SEMA3A: variants seen among roughly 807,000 people sequenced by gnomAD.
SEMA3A encodes semaphorin-3A.
SEMA3A carries 29 observed loss-of-function variants against 97.9 expected under a neutral mutation model. The observed-to-expected ratio is 0.30, with a 90% confidence interval of 0.22 to 0.40. The LOEUF (loss-of-function observed/expected upper bound fraction) is 0.40, where lower values mean the gene tolerates loss of function less well. Ranked by LOEUF, SEMA3A falls within the 10% of genes least tolerant of loss-of-function variation. The pLI, the probability that SEMA3A is intolerant of heterozygous loss-of-function variation, is 1.00. For missense variants in SEMA3A, 763 were observed against 951.3 expected, an observed-to-expected ratio of 0.80 and a Z score of 2.60; for synonymous variants, 321 against 323.7, an observed-to-expected ratio of 0.99 and a Z score of 0.09.
chr7:84,131,802 A>G (rs1584012093), intron 2 of SEMA3A, among the ~76,000 whole-genome samples: 1 of 124,696 alleles, frequency 8.0e-6, no homozygotes, highest in Admixed American at 8.0e-5. Context: ...TTATTTATTT[A>G]TTTATTTTGC....
chr7:84,414,609 C>T (rs1804379870), intron 1 of SEMA3A, among the ~76,000 whole-genome samples: 1 of 151,966 alleles, frequency 6.6e-6, no homozygotes, highest in Non-Finnish European at 1.5e-5. Context: ...GTGTAGTATT[C>T]TTGTCAAAGT....
chr7:84,467,151 T>C (rs1760550788), intron 1 of SEMA3A, among the ~76,000 whole-genome samples: 1 of 152,180 alleles, frequency 6.6e-6, no homozygotes, highest in African/African-American at 2.4e-5. Context: ...ATCATCTTTA[T>C]GCACTTGTGG....
intron 2 of SEMA3A, among the ~76,000 whole-genome samples, chr7:84,131,396 T>A (rs1795957281): frequency 6.6e-6 from 1 of 152,176 alleles, no homozygotes; most frequent in Non-Finnish European, 1.5e-5. Context: ...AAGTGCTTCA[T>A]AATCTATTTT....
intron 1 of SEMA3A, among the ~76,000 whole-genome samples, chr7:84,172,433 T>A (rs956363998): frequency 6.6e-6 from 1 of 152,190 alleles, no homozygotes; most frequent in Non-Finnish European, 1.5e-5. Flanking sequence ...TTTCTTTTTT[T>A]CTTTTTTGAG....
chr7:84,266,183 T>C (rs1422226301), intron 3 of SEMA3A, among the ~76,000 whole-genome samples: 1 of 151,520 alleles, frequency 6.6e-6, no homozygotes, highest in Non-Finnish European at 1.5e-5. Flanking sequence ...TAGCCAGGCA[T>C]AGTGGTGCAC....
intron 3 of SEMA3A, among the ~76,000 whole-genome samples, chr7:84,220,060 G>A (rs1198289103): frequency 2.0e-5 from 3 of 152,098 alleles, no homozygotes; most frequent in Non-Finnish European, 4.4e-5. Context: ...TAGCCCAGTG[G>A]AATTTCTTTC....
At chr7:84,147,493 A>T (rs1796496460) in intron 1 of SEMA3A, among the ~76,000 whole-genome samples, 1 of 152,184 alleles carries the variant, frequency 6.6e-6, no homozygotes, top group African/African-American at 2.4e-5. Flanking sequence ...AGGCAAGCAT[A>T]TATTTCATTC....
intron 1 of SEMA3A, among the ~76,000 whole-genome samples, chr7:84,384,142 T>C (rs768026993): frequency 6.6e-6 from 1 of 152,230 alleles, no homozygotes; most frequent in Non-Finnish European, 1.5e-5. Context: ...GTTCCATTTA[T>C]TTTTGAGAAG....
intron 5 of SEMA3A, among the ~76,000 whole-genome samples, chr7:84,049,507 C>A (rs1037440795): frequency 6.6e-6 from 1 of 151,910 alleles, no homozygotes; most frequent in Non-Finnish European, 1.5e-5. Flanking sequence ...AGAGTATATG[C>A]CATTTAATAA....
chr7:84,318,516 G>T lies in SEMA3A; in HGVS notation c.-168-11224C>A, dbSNP rs1012689479. ...TTTTTGTATTTTTAGTAGAGACGGGGTTTCACCGTTTTAGCCGGGATGGTC... is the reference window on the plus strand; with the variant it reads ...TTTTTGTATTTTTAGTAGAGACGGGTTTTCACCGTTTTAGCCGGGATGGTC... On this transcript the variant is annotated intron_variant, in intron 2 of 3. Coordinates refer to the SEMA3A transcript ENST00000424555. Among the ~76,000 whole-genome samples, 6 of 151,676 alleles carry T rather than the reference G, an allele frequency of 4.0e-5. No homozygotes were observed. In the East Asian group the frequency reaches 5.8e-4, roughly 15 times the overall value.
At chr7:84,159,656 T>A (rs1387969030) in intron 1 of SEMA3A, among the ~76,000 whole-genome samples, 1 of 152,136 alleles carries the variant, frequency 6.6e-6, no homozygotes, top group Non-Finnish European at 1.5e-5. Context: ...TTAAGGCAAT[T>A]TGCAGTTGGT....
intron 1 of SEMA3A, among the ~76,000 whole-genome samples, chr7:84,185,403 G>A (rs1797846786): frequency 6.6e-6 from 1 of 151,780 alleles, no homozygotes; most frequent in Admixed American, 6.6e-5. Flanking sequence ...TGGGTGTGGT[G>A]ACTCATGCCT....
chr7:84,299,025 G>A (rs1048298951), intron 3 of SEMA3A, among the ~76,000 whole-genome samples: 1 of 152,016 alleles, frequency 6.6e-6, no homozygotes, highest in African/African-American at 2.4e-5. Flanking sequence ...CTTACTCAGT[G>A]GTTTGCCAGG....
chr7:84,282,240 A>G (rs1057345357), intron 3 of SEMA3A, among the ~76,000 whole-genome samples: 1 of 152,160 alleles, frequency 6.6e-6, no homozygotes, highest in Non-Finnish European at 1.5e-5. Context: ...TACAGTTAAA[A>G]AAAACATTAT....
intron 1 of SEMA3A, among the ~76,000 whole-genome samples, chr7:84,415,466 T>C (rs1043946555): frequency 3.9e-5 from 6 of 152,104 alleles, no homozygotes; most frequent in Non-Finnish European, 7.4e-5. Flanking sequence ...TGTCCTAGCT[T>C]TTAAAAATTA....
chr7:84,245,179 AGT>A (rs2115581623), intron 3 of SEMA3A, among the ~76,000 whole-genome samples: 1 of 152,254 alleles, frequency 6.6e-6, no homozygotes, highest in African/African-American at 2.4e-5. Flanking sequence ...TATCCTGAAG[AGT>A]GTTTTCCAAC....
At chr7:84,464,078 T>C (rs866531907) in intron 1 of SEMA3A, among the ~76,000 whole-genome samples, 1 of 152,204 alleles carries the variant, frequency 6.6e-6, no homozygotes, top group African/African-American at 2.4e-5. Context: ...CTAGTTTTCC[T>C]CATCTTTAAA....
chr7:84,102,175 A>G (rs1022782069), intron 4 of SEMA3A, among the ~76,000 whole-genome samples: 8 of 152,172 alleles, frequency 5.3e-5, no homozygotes, highest in Non-Finnish European at 7.4e-5. Flanking sequence ...CCCTATCACC[A>G]ATCAACTGTG....
chr7:84,358,494 C>G (rs1333891314), intron 2 of SEMA3A, among the ~76,000 whole-genome samples: 1 of 151,962 alleles, frequency 6.6e-6, no homozygotes, highest in Non-Finnish European at 1.5e-5. Context: ...CCATTGGTCT[C>G]TGTCTCTGTT....
Sources: allele counts gnomAD v4.1 joint callset (sites outside exome capture counted in the v4.1 genomes callset), GRCh38; gene constraint gnomAD v4.1.1; transcripts MANE v1.5; gene names NCBI Gene and HGNC (gene_info 2026-07-23, HGNC 2026-07-21).